FMN1: variants seen among roughly 807,000 people sequenced by gnomAD.
The protein encoded by FMN1 is formin 1.
A neutral mutation model predicts 132.4 loss-of-function variants in FMN1; 110 were observed. The ratio of observed to expected loss-of-function variants is 0.83; its 90% CI spans 0.71 to 0.97. The LOEUF is 0.97. FMN1 is among the 50% of genes least tolerant of loss of function. The pLI, the probability that FMN1 is intolerant of heterozygous loss-of-function variation, is 0.00. For missense variants in FMN1, 1,792 were observed against 1,705.3 expected (o/e 1.05, Z -0.90); for synonymous variants, 722 against 651.7 (o/e 1.11, Z -1.64).
At chr15:32,788,843 T>C (rs1164501257) in intron 19 of FMN1, among the ~76,000 whole-genome samples, 4 of 152,216 alleles carry the variant, frequency 2.6e-5, no homozygotes, top group Non-Finnish European at 5.9e-5. Context: ...CTAAACAAAC[T>C]GAAAGTAATA....
At chr15:33,073,246 T>G (rs1019927962) in intron 5 of FMN1, among the ~76,000 whole-genome samples, 1 of 152,212 alleles carries the variant, frequency 6.6e-6, no homozygotes, top group African/African-American at 2.4e-5. Context: ...ATCTCACTGT[T>G]AGGCTACTTG....
chr15:32,843,248 A>T (rs2058786120), intron 17 of FMN1, among the ~76,000 whole-genome samples: 1 of 152,208 alleles, frequency 6.6e-6, no homozygotes, highest in Admixed American at 6.5e-5. Context: ...AAACAATGAG[A>T]AAACAATTTG....
intron 17 of FMN1, among the ~76,000 whole-genome samples, chr15:32,848,975 T>C (rs972919096): frequency 7.6e-5 from 8 of 104,852 alleles, no homozygotes; most frequent in African/African-American, 3.7e-4. Context: ...TAGTTCTCTT[T>C]TGTTTTTTTT....
chr15:33,032,025 T>C (rs1268390283), intron 6 of FMN1, among the ~76,000 whole-genome samples: 11 of 152,220 alleles, frequency 7.2e-5, no homozygotes, highest in Admixed American at 7.2e-4. Context: ...ACAAAAATAA[T>C]AATTACTACT....
At chr15:32,871,197 T>C (rs1420825872) in intron 16 of FMN1, among the ~76,000 whole-genome samples, 1 of 152,074 alleles carries the variant, frequency 6.6e-6, no homozygotes, top group African/African-American at 2.4e-5. Context: ...ACAAAGACAT[T>C]TGAAAAACAT....
intron 8 of FMN1, 80 bp from the exon 9 acceptor site, chr15:32,964,337 AT>A (rs1596356545): frequency 2.0e-6 from 2 of 1,002,522 alleles, no homozygotes; most frequent in Non-Finnish European, 2.9e-6. Flanking sequence ...TCTCTAATCC[AT>A]TTTTTAATTT....
intron 4 of FMN1, among the ~76,000 whole-genome samples, chr15:33,106,540 C>T (rs995569049): frequency 1.3e-5 from 2 of 152,070 alleles, no homozygotes; most frequent in East Asian, 1.9e-4. Flanking sequence ...TGAATGCATA[C>T]TTTTTCTTGA....
chr15:33,118,167 A>C (rs1259233129), intron 4 of FMN1, among the ~76,000 whole-genome samples: 2 of 152,198 alleles, frequency 1.3e-5, no homozygotes, highest in African/African-American at 4.8e-5. Flanking sequence ...GCAAACCTAA[A>C]CTTATATAAT....
chr15:32,864,859 C>T (rs963431915), intron 16 of FMN1, among the ~76,000 whole-genome samples: 1 of 152,192 alleles, frequency 6.6e-6, no homozygotes, highest in African/African-American at 2.4e-5. Flanking sequence ...TCCAAATGCC[C>T]ATCCATCGTC....
chr15:32,902,176 A>G lies in FMN1; in HGVS notation c.3378-136T>C. ...ATTATAAAAGGTGTCACATAGGTAG[A>G]CTCAAGGAATTCCAAGGGCATGGTT... On this transcript the variant is annotated intron_variant, in intron 12 of 20. Transcript: ENST00000616417. 1.1e-5 allele frequency: 8 copies of G among 719,936 alleles called. 1 individual carries two copies. Among genetic ancestry groups the G allele is most frequent in the Non-Finnish European group, 1.7e-5 (8 of 457,724 alleles). 44.6% of individuals were successfully genotyped at this position (719,936 alleles called of 1,614,324 possible).
chr15:32,820,923 G>A (rs1412999600), intron 17 of FMN1, among the ~76,000 whole-genome samples: 3 of 151,894 alleles, frequency 2.0e-5, no homozygotes, highest in Middle Eastern at 3.4e-3. Context: ...CATGTCTTTT[G>A]CTGATTAAAT....
chr15:32,794,842 C>T (rs2057226006), intron 19 of FMN1, among the ~76,000 whole-genome samples: 5 of 152,080 alleles, frequency 3.3e-5, no homozygotes, highest in African/African-American at 4.8e-5. Flanking sequence ...ATGTTGGATA[C>T]AGATGAGCAG....
intron 3 of FMN1, among the ~76,000 whole-genome samples, chr15:33,157,353 T>C (rs1566958814): frequency 6.6e-6 from 1 of 152,100 alleles, no homozygotes; most frequent in African/African-American, 2.4e-5. Context: ...TTCTATTCCC[T>C]AAGAGAGGGA....
intron 16 of FMN1, among the ~76,000 whole-genome samples, chr15:32,881,208 G>T (rs1447376212): frequency 3.9e-5 from 6 of 152,038 alleles, no homozygotes; most frequent in African/African-American, 1.4e-4. Flanking sequence ...CATTTTAAAT[G>T]ACTGTATTAA....
chr15:32,906,272 G>C (rs2060422757), intron 12 of FMN1, among the ~76,000 whole-genome samples: 1 of 152,110 alleles, frequency 6.6e-6, no homozygotes, highest in Non-Finnish European at 1.5e-5. Flanking sequence ...ACTTGTTTTT[G>C]TATGGCCCAT....
intron 17 of FMN1, among the ~76,000 whole-genome samples, chr15:32,850,455 G>T (rs903034042): frequency 6.6e-6 from 1 of 152,222 alleles, no homozygotes; most frequent in African/African-American, 2.4e-5. Context: ...TCTGACCACA[G>T]AAATGTATTA....
intron 9 of FMN1, among the ~76,000 whole-genome samples, chr15:32,945,910 G>C (rs555824144): frequency 6.6e-6 from 1 of 152,074 alleles, no homozygotes; most frequent in African/African-American, 2.4e-5. Flanking sequence ...ACAACTTCTC[G>C]CATAGTCTTC....
At chr15:33,131,320 C>T (rs1008190548) in intron 4 of FMN1, among the ~76,000 whole-genome samples, 22 of 109,160 alleles carry the variant, frequency 2.0e-4, no homozygotes, top group Admixed American at 5.4e-4. Context: ...CAGAGTGAGA[C>T]TCCATCTCAA....
At chr15:33,018,647 G>C (rs143458555) in intron 6 of FMN1, among the ~76,000 whole-genome samples, 1 of 152,246 alleles carries the variant, frequency 6.6e-6, no homozygotes, top group East Asian at 1.9e-4. Context: ...CATTGTGTCC[G>C]GAATTGGTGT....
Sources: allele counts gnomAD v4.1 joint callset (sites outside exome capture counted in the v4.1 genomes callset), GRCh38; gene constraint gnomAD v4.1.1; transcripts MANE v1.5; gene names NCBI Gene and HGNC (gene_info 2026-07-23, HGNC 2026-07-21).